Variants in KLF12 observed in about 807,000 individuals in gnomAD.
KLF12 encodes KLF transcription factor 12, also known as Krueppel-like factor 12.
In KLF12, 9 loss-of-function variants were observed where a neutral mutation model predicts 37.8. The ratio of observed to expected loss-of-function variants is 0.24; its 90% CI spans 0.14 to 0.42. The LOEUF (loss-of-function observed/expected upper bound fraction) is 0.42. Among genes scored for constraint, KLF12 ranks in the 10% least tolerant of loss-of-function variants. The pLI is 1.00. For synonymous variants in KLF12, 208 were observed against 202.1 expected, an observed-to-expected ratio of 1.03 and a Z score of -0.25; for missense variants, 411 against 516.0, an observed-to-expected ratio of 0.80 and a Z score of 1.97.
chr13:73,711,271 G>A (rs1875377552), intron 7 of KLF12, among the ~76,000 whole-genome samples: 1 of 152,220 alleles, frequency 6.6e-6, no homozygotes, highest in Non-Finnish European at 1.5e-5. Context: ...ATCTAGCTAA[G>A]ATCACTGATG....
rs150274712 is a variant in KLF12, at chr13:73,868,095, C to T, written c.124-21722G>A. Among the ~76,000 whole-genome samples the T allele has an allele frequency of 5.5e-3, 779 of 142,456 alleles. 9 individuals carry two copies. The highest frequency in any genetic ancestry group is 0.019 in the African/African-American group (742 of 38,626). The allele number at this position is 142,456 out of a possible 152,430, so 93.5% of individuals were successfully genotyped here. ...CTGTAATCCCAGCACTTTGGGAGGC[C>T]TGAGGTCGGGAGTTCAAGACCAGCC... On this transcript the variant is annotated intron_variant, in intron 3 of 7. Coordinates refer to ENST00000377669, the MANE Select transcript of KLF12 (RefSeq NM_007249.5).
intron 6 of KLF12, among the ~76,000 whole-genome samples, chr13:73,738,647 A>G (rs1306933327): frequency 1.3e-5 from 2 of 152,276 alleles, no homozygotes; most frequent in East Asian, 3.9e-4. Context: ...ATTCAGATAG[A>G]ATCTATGCAT....
intron 3 of KLF12, among the ~76,000 whole-genome samples, chr13:73,867,812 G>C (rs1886254278): frequency 6.6e-6 from 1 of 150,450 alleles, no homozygotes; most frequent in African/African-American, 2.4e-5. Context: ...TGTTGGTCAG[G>C]CTGGTCTTGA....
chr13:74,142,171 G>A, the KLF12 span, among the ~76,000 whole-genome samples: 1 of 152,210 alleles, frequency 6.6e-6, no homozygotes, highest in Admixed American at 6.5e-5. Context: ...AAGGCAAAAT[G>A]TGAATCACAA....
chr13:73,941,561 A>C (rs1231809850), intron 3 of KLF12, among the ~76,000 whole-genome samples: 1 of 152,232 alleles, frequency 6.6e-6, no homozygotes, highest in African/African-American at 2.4e-5. Flanking sequence ...TTATCTAAAA[A>C]TAGTTCTAAG....
chr13:73,755,188 GTTTC>G (rs1236411687), intron 6 of KLF12, among the ~76,000 whole-genome samples: 1 of 152,092 alleles, frequency 6.6e-6, no homozygotes, highest in Non-Finnish European at 1.5e-5. Flanking sequence ...GAAAAGCAGC[GTTTC>G]TTTTTCTTTT....
chr13:74,003,321 G>A (rs770101840), intron 1 of KLF12, among the ~76,000 whole-genome samples: 1 of 152,106 alleles, frequency 6.6e-6, no homozygotes, highest in Non-Finnish European at 1.5e-5. Context: ...CTGAATTTGA[G>A]AATAATCATA....
At chr13:74,205,776 T>A in the KLF12 span, among the ~76,000 whole-genome samples, 1 of 152,186 alleles carries the variant, frequency 6.6e-6, no homozygotes, top group East Asian at 1.9e-4. Flanking sequence ...AGGACACACT[T>A]AGCTGAGTTT....
In KLF12 at chr13:73,819,410, C is replaced by T. The variant is rs73216767; in HGVS notation, c.671-6123G>A. Among the ~76,000 whole-genome samples the T allele has an allele frequency of 1.1e-3, 169 of 152,300 alleles. 1 individual carries two copies. Among genetic ancestry groups the T allele is most frequent in the Non-Finnish European group, 1.7e-3 (119 of 68,022 alleles). ...ATCTCTCACCATCTCCTGGACTATT[C>T]AAATTAGGCAGTTTTCTTTTCACGT... On this transcript the variant is annotated intron_variant, in intron 4 of 7. Coordinates refer to ENST00000377669, the MANE Select transcript of KLF12 (RefSeq NM_007249.5).
the KLF12 span, among the ~76,000 whole-genome samples, chr13:74,141,047 A>C: frequency 6.6e-6 from 1 of 152,098 alleles, no homozygotes; most frequent in East Asian, 1.9e-4. Context: ...CCTGGGTGAC[A>C]GAGGGAGACT....
chr13:73,752,257 A>G (rs1029788922), intron 6 of KLF12, among the ~76,000 whole-genome samples: 2 of 152,162 alleles, frequency 1.3e-5, no homozygotes, highest in African/African-American at 4.8e-5. Flanking sequence ...TGTTGGGATT[A>G]CAGGCATGAG....
intron 3 of KLF12, among the ~76,000 whole-genome samples, chr13:73,871,970 G>T (rs1886491045): frequency 6.6e-6 from 1 of 152,188 alleles, no homozygotes; most frequent in Non-Finnish European, 1.5e-5. Flanking sequence ...TGCCTGAAAA[G>T]ACTAGAATGT....
chr13:74,299,272 A>G, the KLF12 span, among the ~76,000 whole-genome samples: 1 of 152,192 alleles, frequency 6.6e-6, no homozygotes, highest in African/African-American at 2.4e-5. Flanking sequence ...GACCTTTGCA[A>G]GAGCACTGGA....
chr13:74,254,373 T>C, the KLF12 span, among the ~76,000 whole-genome samples: 2 of 152,176 alleles, frequency 1.3e-5, no homozygotes, highest in Non-Finnish European at 1.5e-5. Context: ...ATGATCATTG[T>C]TATAAGGATG....
intron 1 of KLF12, among the ~76,000 whole-genome samples, chr13:74,104,824 T>C (rs1196910369): frequency 2.0e-5 from 3 of 152,094 alleles, no homozygotes; most frequent in Non-Finnish European, 4.4e-5. Context: ...GGAGATAAAA[T>C]ATGGAGGGCA....
At chr13:73,968,512 C>T (rs1891234890) in intron 2 of KLF12, among the ~76,000 whole-genome samples, 1 of 152,080 alleles carries the variant, frequency 6.6e-6, no homozygotes, top group African/African-American at 2.4e-5. Flanking sequence ...TTTCAAGCCA[C>T]CGAAGAAGAG....
chr13:74,066,905 A>C (rs191539631), intron 1 of KLF12, among the ~76,000 whole-genome samples: 2 of 152,314 alleles, frequency 1.3e-5, no homozygotes, highest in East Asian at 3.9e-4. Context: ...GCAAATAAAC[A>C]ATAGGTACTT....
intron 3 of KLF12, among the ~76,000 whole-genome samples, chr13:73,890,217 A>C (rs1293028940): frequency 2.0e-5 from 3 of 152,102 alleles, no homozygotes; most frequent in African/African-American, 7.2e-5. Context: ...CATAAATATC[A>C]AGGAGCATGG....
chr13:73,945,189 C>A (rs1356243678), intron 2 of KLF12, among the ~76,000 whole-genome samples: 1 of 152,200 alleles, frequency 6.6e-6, no homozygotes, highest in Non-Finnish European at 1.5e-5. Flanking sequence ...AACAACTGGG[C>A]CAGGCACAGT....
Sources: allele counts gnomAD v4.1 joint callset (sites outside exome capture counted in the v4.1 genomes callset), GRCh38; gene constraint gnomAD v4.1.1; transcripts MANE v1.5; gene names NCBI Gene and HGNC (gene_info 2026-07-23, HGNC 2026-07-21).